The following LHFPL3 variants were observed in gnomAD, a reference collection of about 807,000 sequenced individuals.
LHFPL3 encodes LHFPL tetraspan subfamily member 3 protein.
LHFPL3 carries 5 observed loss-of-function variants against 19.3 expected under a neutral mutation model. The observed-to-expected ratio is 0.26, with a 90% CI of 0.14 to 0.54. The LOEUF (loss-of-function observed/expected upper bound fraction) is 0.54, where lower values mean the gene tolerates loss of function less well. LHFPL3 is among the 20% of genes least tolerant of loss of function. The probability of loss-of-function intolerance (pLI) is 0.94; values close to 1 mark genes in which losing one functional copy is unlikely to be tolerated. For missense variants in LHFPL3, 249 were observed against 307.4 expected (o/e 0.81, Z 1.42); for synonymous variants, 133 against 126.2 (o/e 1.05, Z -0.36).
chr7:104,594,534 G>A (rs1034060230), intron 1 of LHFPL3, among the ~76,000 whole-genome samples: 50 of 152,098 alleles, frequency 3.3e-4, no homozygotes, highest in Admixed American at 2.2e-3. Flanking sequence ...CTCTTCTGGA[G>A]GAGTATCTTT....
chr7:104,542,340 G>A (rs1024992444), intron 1 of LHFPL3, among the ~76,000 whole-genome samples: 11 of 152,030 alleles, frequency 7.2e-5, no homozygotes, highest in African/African-American at 2.7e-4. Flanking sequence ...CCCTGCACTT[G>A]TCTCAGTGGT....
At chr7:104,799,181 T>C (rs2116468947) in intron 2 of LHFPL3, among the ~76,000 whole-genome samples, 1 of 152,318 alleles carries the variant, frequency 6.6e-6, no homozygotes, top group South Asian at 2.1e-4. Context: ...TCAAATGCAG[T>C]CATCATTCCC....
At chr7:104,463,811 A>G (rs1792722917) in intron 1 of LHFPL3, among the ~76,000 whole-genome samples, 2 of 152,184 alleles carry the variant, frequency 1.3e-5, no homozygotes, top group Admixed American at 1.3e-4. Flanking sequence ...GGGAACTACA[A>G]TTCAAGATAA....
At chr7:104,416,566 G>A (rs1397749089) in intron 1 of LHFPL3, among the ~76,000 whole-genome samples, 2 of 152,218 alleles carry the variant, frequency 1.3e-5, no homozygotes, top group African/African-American at 4.8e-5. Context: ...CTACAAGGGA[G>A]GCTTGGGAAA....
chr7:104,465,884 A>G (rs147683117), intron 1 of LHFPL3, among the ~76,000 whole-genome samples: 1 of 152,264 alleles, frequency 6.6e-6, no homozygotes, highest in Admixed American at 6.5e-5. Flanking sequence ...CAGGGTTTTG[A>G]GTAATTTTTT....
intron 1 of LHFPL3, among the ~76,000 whole-genome samples, chr7:104,480,225 G>T (rs76776410): frequency 0.039 from 5,922 of 152,250 alleles, 294 homozygotes; most frequent in East Asian, 0.19. Context: ...TGTAAATGGG[G>T]ATAGTGATTC....
At chr7:104,685,243 A>G (rs1225843354) in intron 1 of LHFPL3, among the ~76,000 whole-genome samples, 2 of 152,210 alleles carry the variant, frequency 1.3e-5, no homozygotes, top group African/African-American at 2.4e-5. Flanking sequence ...GCTACTCAGG[A>G]GGCTGAAGCA....
At chr7:104,520,783 C>T (rs1449642149) in intron 1 of LHFPL3, among the ~76,000 whole-genome samples, 7 of 135,536 alleles carry the variant, frequency 5.2e-5, no homozygotes, top group East Asian at 2.1e-4. Context: ...TCTGTGGGAT[C>T]GGTGGTGATA....
chr7:104,519,276 A>G (rs1301005752), intron 1 of LHFPL3, among the ~76,000 whole-genome samples: 5 of 152,144 alleles, frequency 3.3e-5, no homozygotes. Context: ...TTCAGAACTC[A>G]TGCTGAGTGC....
chr7:104,743,202 C>T (rs1215978870), intron 2 of LHFPL3, among the ~76,000 whole-genome samples: 2 of 151,988 alleles, frequency 1.3e-5, no homozygotes, highest in Admixed American at 6.6e-5. Context: ...AGATGTGTAC[C>T]CACCCACGGA....
chr7:104,778,234 G>A (rs1447631663), intron 2 of LHFPL3, among the ~76,000 whole-genome samples: 1 of 152,154 alleles, frequency 6.6e-6, no homozygotes, highest in Non-Finnish European at 1.5e-5. Flanking sequence ...GCTCTCAATG[G>A]TCCCTAACCT....
intron 2 of LHFPL3, among the ~76,000 whole-genome samples, chr7:104,881,072 A>G (rs948493097): frequency 1.2e-4 from 18 of 150,142 alleles, no homozygotes; most frequent in Non-Finnish European, 1.9e-4. Context: ...TGGGAGGCTG[A>G]GGCAGGAGAA....
chr7:104,563,331 G>T (rs535815926), intron 1 of LHFPL3, among the ~76,000 whole-genome samples: 50 of 152,408 alleles, frequency 3.3e-4, no homozygotes, highest in African/African-American at 1.1e-3. Flanking sequence ...AGCAATCAGC[G>T]AGACTCCGTG....
chr7:104,519,667 T>C (rs1370019074), intron 1 of LHFPL3, among the ~76,000 whole-genome samples: 1 of 152,134 alleles, frequency 6.6e-6, no homozygotes, highest in African/African-American at 2.4e-5. Context: ...TTTCCCATTA[T>C]AAAAAATCTG....
At chr7:104,435,219 T>C (rs942663310) in intron 1 of LHFPL3, among the ~76,000 whole-genome samples, 5 of 152,228 alleles carry the variant, frequency 3.3e-5, no homozygotes, top group African/African-American at 1.2e-4. Flanking sequence ...TATAGCTTAC[T>C]GCAGCCCCAA....
intron 2 of LHFPL3, among the ~76,000 whole-genome samples, chr7:104,848,845 G>A (rs925300531): frequency 6.6e-6 from 1 of 152,110 alleles, no homozygotes; most frequent in Admixed American, 6.5e-5. Context: ...ATGCCAAGCT[G>A]GCTTCCTAGT....
At chr7:104,381,108 T>C (rs1333226194) in intron 1 of LHFPL3, among the ~76,000 whole-genome samples, 1 of 152,164 alleles carries the variant, frequency 6.6e-6, no homozygotes, top group Non-Finnish European at 1.5e-5. Flanking sequence ...CTAGACGAGA[T>C]AGAAAACATA....
At chr7:104,345,575 C>A (rs906911292) in intron 1 of LHFPL3, among the ~76,000 whole-genome samples, 2 of 152,008 alleles carry the variant, frequency 1.3e-5, no homozygotes, top group Non-Finnish European at 2.9e-5. Context: ...TATAAAATAA[C>A]AAAAGTCTAT....
At chr7:104,795,125 G>A (rs910292014) in intron 2 of LHFPL3, among the ~76,000 whole-genome samples, 9 of 152,098 alleles carry the variant, frequency 5.9e-5, no homozygotes, top group Non-Finnish European at 8.8e-5. Context: ...AAACCTTTCC[G>A]GAAAGATGGG....
Sources: gnomAD v4.1 joint callset for allele counts (sites outside exome capture counted in the v4.1 genomes callset) on GRCh38, gnomAD v4.1.1 for gene constraint, MANE v1.5 for transcripts, NCBI Gene and HGNC (gene_info 2026-07-23, HGNC 2026-07-21) for gene names.